Variants in MCTP1 observed in about 807,000 individuals in gnomAD.
The protein encoded by MCTP1 is multiple C2 and transmembrane domain-containing protein 1.
In MCTP1, 69 loss-of-function variants were observed where a neutral mutation model predicts 120.6. The ratio of observed to expected loss-of-function variants is 0.57; its 90% CI spans 0.47 to 0.70. The LOEUF (loss-of-function observed/expected upper bound fraction) is 0.70. Ranked by LOEUF, MCTP1 falls within the 30% of genes least tolerant of loss-of-function variation. MCTP1 has a pLI of 0.00. For missense variants in MCTP1, 1,203 were observed against 1,248.8 expected, an observed-to-expected ratio of 0.96 and a Z score of 0.55; for synonymous variants, 529 against 493.1, an observed-to-expected ratio of 1.07 and a Z score of -0.96.
At chr5:94,992,975 T>C (rs1228096510) in intron 2 of MCTP1, among the ~76,000 whole-genome samples, 1 of 152,222 alleles carries the variant, frequency 6.6e-6, no homozygotes, top group Admixed American at 6.5e-5. Context: ...ATTTTTAAAC[T>C]TGATTATGCT....
At chr5:95,135,087 G>GA (rs1213302111) in intron 1 of MCTP1, among the ~76,000 whole-genome samples, 3 of 139,710 alleles carry the variant, frequency 2.1e-5, no homozygotes, top group African/African-American at 5.2e-5. Flanking sequence ...TGAGGTATGT[G>GA]AAAATCAGTA....
At chr5:94,731,715 A>G (rs1328399779) in intron 19 of MCTP1, among the ~76,000 whole-genome samples, 1 of 152,222 alleles carries the variant, frequency 6.6e-6, no homozygotes, top group Non-Finnish European at 1.5e-5. Context: ...TATGAATTAG[A>G]TGATTTATCT....
chr5:94,838,479 G>A (rs1274265515), intron 17 of MCTP1, among the ~76,000 whole-genome samples: 2 of 151,720 alleles, frequency 1.3e-5, no homozygotes, highest in Non-Finnish European at 2.9e-5. Context: ...TTGGATCTCC[G>A]AGAAGATGCA....
chr5:95,215,568 C>T (rs369842043), intron 1 of MCTP1, among the ~76,000 whole-genome samples: 26 of 152,266 alleles, frequency 1.7e-4, no homozygotes, highest in South Asian at 6.2e-4. Flanking sequence ...TTATTTTCCT[C>T]CTTTTTTTTC....
chr5:95,079,462 C>T (rs1754386743), intron 1 of MCTP1, among the ~76,000 whole-genome samples: 2 of 152,220 alleles, frequency 1.3e-5, no homozygotes, highest in South Asian at 4.1e-4. Context: ...TCACATAGAC[C>T]ACATGCTATC....
At chr5:95,237,338 A>G (rs1755659276) in intron 1 of MCTP1, among the ~76,000 whole-genome samples, 1 of 152,212 alleles carries the variant, frequency 6.6e-6, no homozygotes, top group African/African-American at 2.4e-5. Flanking sequence ...GTTGGTGCAA[A>G]AGTAACCATT....
At chr5:94,881,852 C>T (rs1369965350) in intron 12 of MCTP1, among the ~76,000 whole-genome samples, 1 of 152,108 alleles carries the variant, frequency 6.6e-6, no homozygotes, top group Admixed American at 6.6e-5. Flanking sequence ...GATTTTAAAA[C>T]GCCAGATATA....
chr5:94,826,089 C>A (rs934165671), intron 17 of MCTP1: 8 of 305,578 alleles, frequency 2.6e-5, no homozygotes, highest in Non-Finnish European at 5.1e-5. Flanking sequence ...AAGTTATTTG[C>A]TTCTGTGAAG....
intron 1 of MCTP1, among the ~76,000 whole-genome samples, chr5:95,033,786 A>G (rs1315254279): frequency 6.6e-6 from 1 of 152,010 alleles, no homozygotes; most frequent in Non-Finnish European, 1.5e-5. Flanking sequence ...AATTATCTCT[A>G]TTCACTGACA....
intron 20 of MCTP1, among the ~76,000 whole-genome samples, chr5:94,712,628 A>C (rs773159338): frequency 6.6e-6 from 1 of 151,842 alleles, no homozygotes; most frequent in South Asian, 2.1e-4. Flanking sequence ...TGGTTATCCT[A>C]TTTTCAGTAA....
chr5:94,747,306 A>G (rs1767130608), intron 19 of MCTP1, among the ~76,000 whole-genome samples: 1 of 152,220 alleles, frequency 6.6e-6, no homozygotes, highest in African/African-American at 2.4e-5. Flanking sequence ...CCTATGTAGA[A>G]ACTGTATTAA....
At chr5:95,128,559 A>C (rs1352633863) in intron 1 of MCTP1, among the ~76,000 whole-genome samples, 3 of 152,244 alleles carry the variant, frequency 2.0e-5, no homozygotes, top group Non-Finnish European at 1.5e-5. Context: ...AAGTGAAAGA[A>C]GCCAGTCACA....
At chr5:94,820,043 C>A (rs1385601962) in intron 17 of MCTP1, among the ~76,000 whole-genome samples, 1 of 152,142 alleles carries the variant, frequency 6.6e-6, no homozygotes, top group African/African-American at 2.4e-5. Flanking sequence ...TCTTTTACAC[C>A]ATGTGGCAAC....
intron 1 of MCTP1, among the ~76,000 whole-genome samples, chr5:95,256,233 A>G (rs965127155): frequency 6.6e-6 from 1 of 152,214 alleles, no homozygotes; most frequent in Non-Finnish European, 1.5e-5. Flanking sequence ...AGGAAAATAA[A>G]TGGAGGTTTC....
At chr5:95,195,923 C>A (rs571852242) in intron 1 of MCTP1, among the ~76,000 whole-genome samples, 1 of 152,136 alleles carries the variant, frequency 6.6e-6, no homozygotes, top group African/African-American at 2.4e-5. Context: ...GCACACATTC[C>A]TGGGAAGGTG....
chr5:94,946,673 T>C (rs1310626592), intron 3 of MCTP1, among the ~76,000 whole-genome samples: 1 of 152,104 alleles, frequency 6.6e-6, no homozygotes, highest in Non-Finnish European at 1.5e-5. Context: ...AGGGAGACTT[T>C]CAGGATTTCT....
intron 1 of MCTP1, among the ~76,000 whole-genome samples, chr5:95,145,275 T>C (rs1189379808): frequency 1.3e-5 from 2 of 152,206 alleles, no homozygotes; most frequent in Non-Finnish European, 2.9e-5. Context: ...AAGTCATTTA[T>C]CAGCTCCAGG....
chr5:95,052,346 C>T (rs1474137935), intron 1 of MCTP1, among the ~76,000 whole-genome samples: 2 of 152,138 alleles, frequency 1.3e-5, no homozygotes, highest in African/African-American at 2.4e-5. Context: ...CATTCAGACT[C>T]TTGGGGGATA....
chr5:94,807,094 AT>A (rs1455458685), intron 17 of MCTP1, among the ~76,000 whole-genome samples: 1 of 152,174 alleles, frequency 6.6e-6, no homozygotes, highest in African/African-American at 2.4e-5. Flanking sequence ...ATTCGACAAT[AT>A]CTGTTTCAGA....
Sources: allele counts gnomAD v4.1 joint callset (sites outside exome capture counted in the v4.1 genomes callset), GRCh38; gene constraint gnomAD v4.1.1; transcripts MANE v1.5; gene names NCBI Gene and HGNC (gene_info 2026-07-23, HGNC 2026-07-21).